TMTC1: variants seen among roughly 807,000 people sequenced by gnomAD.
TMTC1 encodes protein O-mannosyl-transferase TMTC1.
Under a neutral mutation model 104.8 loss-of-function variants are expected in TMTC1, and 73 were observed. The ratio of observed to expected loss-of-function variants is 0.70; its 90% CI spans 0.58 to 0.85. The LOEUF (loss-of-function observed/expected upper bound fraction) is 0.85, where lower values mean the gene tolerates loss of function less well. Ranked by LOEUF, TMTC1 falls within the 40% of genes least tolerant of loss-of-function variation. The probability of loss-of-function intolerance (pLI) is 0.00; values close to 1 mark genes in which losing one functional copy is unlikely to be tolerated. For missense variants in TMTC1, 1,035 were observed against 1,096.1 expected (o/e 0.94, Z 0.79); for synonymous variants, 434 against 428.7 (o/e 1.01, Z -0.15).
At chr12:29,549,125 A>G (rs1374135141) in intron 10 of TMTC1, among the ~76,000 whole-genome samples, 1 of 150,462 alleles carries the variant, frequency 6.6e-6, no homozygotes, top group Non-Finnish European at 1.5e-5. Context: ...TTTATTCGTA[A>G]TAACCCATAC....
At chr12:29,589,010 C>G (rs2136348508) in intron 7 of TMTC1, among the ~76,000 whole-genome samples, 1 of 150,618 alleles carries the variant, frequency 6.6e-6, no homozygotes, top group South Asian at 2.1e-4. Flanking sequence ...ATGCAAGAAA[C>G]TACCTTTCCT....
intron 1 of TMTC1, among the ~76,000 whole-genome samples, chr12:29,769,055 T>A (rs1333974564): frequency 6.6e-6 from 1 of 152,158 alleles, no homozygotes; most frequent in Non-Finnish European, 1.5e-5. Context: ...GGTCTTCAAT[T>A]CTCAGGCCTT....
At chr12:29,759,958 TCAA>T (rs1943305436) in intron 2 of TMTC1, among the ~76,000 whole-genome samples, 1 of 152,202 alleles carries the variant, frequency 6.6e-6, no homozygotes, top group Non-Finnish European at 1.5e-5. Flanking sequence ...AACTTTCAGG[TCAA>T]CAACGAGCCA....
intron 5 of TMTC1, among the ~76,000 whole-genome samples, chr12:29,719,299 A>T (rs1942170119): frequency 6.6e-6 from 1 of 152,072 alleles, no homozygotes; most frequent in Non-Finnish European, 1.5e-5. Flanking sequence ...TATAGCACTG[A>T]GCTCTTATTT....
intron 5 of TMTC1, among the ~76,000 whole-genome samples, chr12:29,653,120 G>A (rs77102454): frequency 0.048 from 7,264 of 151,310 alleles, 206 homozygotes; most frequent in Admixed American, 0.067. Flanking sequence ...TATATATCTG[G>A]CAATGGCCAG....
intron 5 of TMTC1, among the ~76,000 whole-genome samples, chr12:29,643,587 TA>T (rs1252857702): frequency 2.5e-5 from 1 of 39,520 alleles, no homozygotes; most frequent in Non-Finnish European, 4.3e-5. Flanking sequence ...ATGTCATATA[TA>T]AATATATATT....
At chr12:29,565,416 TA>T (rs1228422906) in intron 9 of TMTC1, among the ~76,000 whole-genome samples, 1 of 152,222 alleles carries the variant, frequency 6.6e-6, no homozygotes, top group Non-Finnish European at 1.5e-5. Flanking sequence ...ATCGCAAGTC[TA>T]CCCCTTGCCA....
rs189837666 is a variant in TMTC1 at position 29,508,683 on chromosome 12, C to T, written c.2509-1697G>A. Among the ~76,000 whole-genome samples the T allele has an allele frequency of 4.6e-5, 7 of 152,212 alleles. No homozygotes were observed. In the East Asian group the frequency reaches 9.7e-4, roughly 21 times the overall value. On this transcript the variant is annotated intron_variant, in intron 17 of 17. Transcript: ENST00000539277. ...CTGCCTCCCGGGTTCAAACAGTTCT[C>T]GTGCCTCAGCCTCCCGAGTAGCTGG... is the stretch of plus-strand genomic sequence containing the variant.
At chr12:29,676,181 T>C (rs1295551882) in intron 5 of TMTC1, among the ~76,000 whole-genome samples, 1 of 152,246 alleles carries the variant, frequency 6.6e-6, no homozygotes, top group Non-Finnish European at 1.5e-5. Context: ...TTGAAACATT[T>C]ATCTGTTCAT....
chr12:29,517,763 T>C (rs1485047750), intron 13 of TMTC1, among the ~76,000 whole-genome samples, 192 bp from the exon 14 acceptor site: 1 of 152,142 alleles, frequency 6.6e-6, no homozygotes, highest in Non-Finnish European at 1.5e-5. Flanking sequence ...TCACCCAGGC[T>C]GGAGTGCAGT....
At chr12:29,755,686 A>G (rs1277356907) in intron 4 of TMTC1, 23 bp downstream of exon 4, 1 of 1,603,806 alleles carries the variant, frequency 6.2e-7, no homozygotes, top group Non-Finnish European at 8.5e-7. Flanking sequence ...GCCATTTGAT[A>G]TCAAAACTGT....
chr12:29,721,270 G>A (rs1206835245), intron 5 of TMTC1, among the ~76,000 whole-genome samples: 1 of 152,122 alleles, frequency 6.6e-6, no homozygotes, highest in African/African-American at 2.4e-5. Context: ...TGTCATGAGA[G>A]ATCTACTGTA....
intron 11 of TMTC1, among the ~76,000 whole-genome samples, chr12:29,530,891 T>G (rs1944484238): frequency 6.6e-6 from 1 of 152,206 alleles, no homozygotes; most frequent in East Asian, 1.9e-4. Context: ...GCTTTTCCTT[T>G]CACTTTTACC....
intron 10 of TMTC1, among the ~76,000 whole-genome samples, chr12:29,536,828 A>C (rs1289662395): frequency 1.3e-5 from 2 of 152,148 alleles, no homozygotes; most frequent in Non-Finnish European, 2.9e-5. Context: ...ATATTCCATA[A>C]ATAATTTATG....
chr12:29,624,826 C>CA (rs1296533899), intron 6 of TMTC1, among the ~76,000 whole-genome samples: 1 of 152,196 alleles, frequency 6.6e-6, no homozygotes, highest in Admixed American at 6.5e-5. Context: ...AAAAGGCACT[C>CA]AATCAATATT....
At position 29,633,277 on chromosome 12, in the gene TMTC1, G is replaced by A; in HGVS notation, c.998C>T (p.Thr333Ile). The A allele has an allele frequency of 6.2e-7, 1 of 1,613,908 alleles. No homozygotes were observed. The highest frequency in any genetic ancestry group is 8.5e-7 in the Non-Finnish European group (1 of 1,179,938). The change falls in exon 6 of 18, where the codon ACC (threonine) becomes ATC (isoleucine). Residue 333 changes from threonine to isoleucine, a missense_variant. By Grantham distance (89) the Thr-to-Ile change is moderately conservative. Coordinates refer to ENST00000539277, the MANE Select transcript of TMTC1 (RefSeq NM_001193451.2). ...GCCGACCTGCCAGTCATAGCACAGG[G>A]TCACGGGTGCAAGCAGAAGCCACAC... The part of the protein sequence containing the change: ...FNVWLLLAPV[T>I]LCYDWQVGSI...
intron 5 of TMTC1, among the ~76,000 whole-genome samples, chr12:29,690,244 G>A (rs78506741): frequency 0.023 from 3,535 of 152,266 alleles, 79 homozygotes; most frequent in Admixed American, 0.052. Flanking sequence ...AAGAAACTGC[G>A]GCAATCAGTG....
chr12:29,596,748 T>C (rs1373211214), intron 7 of TMTC1, among the ~76,000 whole-genome samples: 1 of 152,242 alleles, frequency 6.6e-6, no homozygotes, highest in Non-Finnish European at 1.5e-5. Flanking sequence ...CATTGTACTA[T>C]GAGAATTTCA....
intron 7 of TMTC1, among the ~76,000 whole-genome samples, chr12:29,587,874 G>A (rs16934556): frequency 0.13 from 20,119 of 152,076 alleles, 1,790 homozygotes; most frequent in African/African-American, 0.25. Context: ...GAATCAGGTT[G>A]CTCTAGCTAA....
Sources: gnomAD v4.1 joint callset for allele counts (sites outside exome capture counted in the v4.1 genomes callset) on GRCh38, gnomAD v4.1.1 for gene constraint, MANE v1.5 for transcripts, NCBI Gene and HGNC (gene_info 2026-07-23, HGNC 2026-07-21) for gene names.